The following GRB2 variants were observed in gnomAD, a reference collection of about 807,000 sequenced individuals.
GRB2 encodes growth factor receptor-bound protein 2.
GRB2 carries 2 observed loss-of-function variants against 27.4 expected under a neutral mutation model. The observed-to-expected ratio is 0.07, with a 90% CI of 0.03 to 0.23. GRB2 has a LOEUF of 0.23. Ranked by LOEUF, GRB2 falls within the 10% of genes least tolerant of loss-of-function variation. The pLI, the probability that GRB2 is intolerant of heterozygous loss-of-function variation, is 1.00. For missense variants in GRB2, 102 were observed against 282.4 expected, an observed-to-expected ratio of 0.36 and a Z score of 4.58; for synonymous variants, 94 against 99.6, an observed-to-expected ratio of 0.94 and a Z score of 0.33.
At chr17:75,392,581 T>C (rs2079005098) in intron 2 of GRB2, among the ~76,000 whole-genome samples, 1 of 152,212 alleles carries the variant, frequency 6.6e-6, no homozygotes, top group Non-Finnish European at 1.5e-5. Flanking sequence ...AAGAATTTCA[T>C]TCAGGGGTAG....
intron 2 of GRB2, among the ~76,000 whole-genome samples, chr17:75,338,477 CAA>C (rs1216575349): frequency 6.6e-6 from 1 of 152,174 alleles, no homozygotes; most frequent in East Asian, 1.9e-4. Flanking sequence ...GGTGAGCTCA[CAA>C]AAAGTTTCCT....
intron 1 of GRB2, among the ~76,000 whole-genome samples, chr17:75,396,753 ATTTAT>A (rs1311815010): frequency 4.6e-5 from 7 of 152,078 alleles, no homozygotes; most frequent in Non-Finnish European, 8.8e-5. Context: ...TCCTCAGCCT[ATTTAT>A]TTTAACTGGT....
At chr17:75,359,523 A>AATAAAT (rs1478209311) in intron 2 of GRB2, among the ~76,000 whole-genome samples, 1 of 83,272 alleles carries the variant, frequency 1.2e-5, no homozygotes, top group East Asian at 3.9e-4. Flanking sequence ...TAATAATAAT[A>AATAAAT]AATAATAATA....
intron 2 of GRB2, among the ~76,000 whole-genome samples, chr17:75,378,521 A>G (rs2078908935): frequency 6.6e-6 from 1 of 152,238 alleles, no homozygotes; most frequent in African/African-American, 2.4e-5. Flanking sequence ...GAAGGGATGA[A>G]GTGAGAGAAA....
rs2078899677 is a variant in GRB2, at chr17:75,377,213, G to A, written c.78+16338C>T. Among the ~76,000 whole-genome samples the A allele has an allele frequency of 2.0e-5, 3 of 151,888 alleles. No individual in the cohort carries two copies. The South Asian group carries it at 6.2e-4, about 32-fold the overall frequency. Reference sequence around the variant, plus strand: ...GTGCGCATCTGTAGTCCCAGCTACTGAGGAGACTGAGGTGAGATGATCACT... The same window carrying A: ...GTGCGCATCTGTAGTCCCAGCTACTAAGGAGACTGAGGTGAGATGATCACT... On this transcript the variant is annotated intron_variant, in intron 2 of 5. Transcript: ENST00000316804.
At chr17:75,343,389 G>A (rs2078634638) in intron 2 of GRB2, among the ~76,000 whole-genome samples, 1 of 152,124 alleles carries the variant, frequency 6.6e-6, no homozygotes, top group African/African-American at 2.4e-5. Context: ...GGAGAAAAAT[G>A]ATCACATTAA....
At chr17:75,323,048 G>A (rs1000659022) in intron 4 of GRB2, among the ~76,000 whole-genome samples, 2 of 151,400 alleles carry the variant, frequency 1.3e-5, no homozygotes, top group Non-Finnish European at 2.9e-5. Context: ...GAACCCGGGA[G>A]GAGGAGCTTG....
At chr17:75,402,813 C>T (rs1272273112) in intron 1 of GRB2, among the ~76,000 whole-genome samples, 1 of 151,894 alleles carries the variant, frequency 6.6e-6, no homozygotes, top group Non-Finnish European at 1.5e-5. Context: ...CGGTGGCTCA[C>T]GCCTGTAATC....
intron 2 of GRB2, 63 bp from the exon 3 acceptor site, chr17:75,332,860 AC>A: frequency 9.4e-7 from 1 of 1,068,566 alleles, no homozygotes; most frequent in East Asian, 2.4e-5. Context: ...AAAGATAGTT[AC>A]AAGACAATTA....
intron 2 of GRB2, among the ~76,000 whole-genome samples, chr17:75,374,629 A>G (rs1357350617): frequency 6.6e-6 from 1 of 151,490 alleles, no homozygotes; most frequent in African/African-American, 2.4e-5. Context: ...ACACACAAAC[A>G]CACACACTCT....
At chr17:75,396,011 T>C (rs914421473) in intron 1 of GRB2, among the ~76,000 whole-genome samples, 2 of 152,080 alleles carry the variant, frequency 1.3e-5, no homozygotes, top group African/African-American at 4.8e-5. Flanking sequence ...CTACTTTTTA[T>C]ATTTTTAGTA....
intron 1 of GRB2, chr17:75,404,981 A>G (rs1256473918): frequency 6.6e-6 from 1 of 151,824 alleles, no homozygotes; most frequent in African/African-American, 2.4e-5. Flanking sequence ...TAAGTGTCAG[A>G]ATAAAGGTAT....
At chr17:75,386,562 A>G (rs1247383316) in intron 2 of GRB2, among the ~76,000 whole-genome samples, 4 of 152,226 alleles carry the variant, frequency 2.6e-5, no homozygotes, top group African/African-American at 9.6e-5. Context: ...TGTAGCCAGC[A>G]AAGGATGGGG....
chr17:75,361,370 T>A (rs914291538), intron 2 of GRB2, among the ~76,000 whole-genome samples: 2 of 152,104 alleles, frequency 1.3e-5, no homozygotes, highest in Admixed American at 1.3e-4. Context: ...TCAGGCAGTA[T>A]AAGGACAGAA....
intron 1 of GRB2, among the ~76,000 whole-genome samples, chr17:75,404,504 G>A (rs1359246498): frequency 2.0e-5 from 3 of 150,816 alleles, no homozygotes; most frequent in Admixed American, 2.0e-4. Context: ...ACGCCAGAGT[G>A]GGGACTACAA....
chr17:75,339,964 G>C (rs2078609665), intron 2 of GRB2, among the ~76,000 whole-genome samples: 2 of 152,280 alleles, frequency 1.3e-5, no homozygotes, highest in East Asian at 3.9e-4. Context: ...TATAGAAAAA[G>C]GTGTCATTTA....
At chr17:75,328,132 T>G (rs1288026857) in intron 3 of GRB2, among the ~76,000 whole-genome samples, 3 of 151,770 alleles carry the variant, frequency 2.0e-5, no homozygotes, top group African/African-American at 7.3e-5. Flanking sequence ...GAGACCAGCC[T>G]GGCCAACGTG....
intron 4 of GRB2, among the ~76,000 whole-genome samples, chr17:75,323,448 T>G (rs1353281109): frequency 6.6e-6 from 1 of 152,176 alleles, no homozygotes; most frequent in Admixed American, 6.6e-5. Flanking sequence ...GCCCCAATAA[T>G]GAGCAGTGTT....
At chr17:75,344,179 C>A (rs2078640161) in intron 2 of GRB2, among the ~76,000 whole-genome samples, 1 of 152,148 alleles carries the variant, frequency 6.6e-6, no homozygotes, top group Admixed American at 6.5e-5. Flanking sequence ...GAAGTGTGAA[C>A]TTGGTTATTC....
Sources: gnomAD v4.1 joint callset for allele counts (sites outside exome capture counted in the v4.1 genomes callset) on GRCh38, gnomAD v4.1.1 for gene constraint, MANE v1.5 for transcripts, NCBI Gene and HGNC (gene_info 2026-07-23, HGNC 2026-07-21) for gene names.